NTM: variants seen among roughly 807,000 people sequenced by gnomAD.
NTM encodes neurotrimin.
A neutral mutation model predicts 42.1 loss-of-function variants in NTM; 13 were observed. The observed-to-expected ratio is 0.31, with a 90% CI of 0.20 to 0.49. NTM has a LOEUF of 0.49. NTM is among the 20% of genes least tolerant of loss of function. The pLI, the probability that NTM is intolerant of heterozygous loss-of-function variation, is 0.99. For synonymous variants in NTM, 187 were observed against 179.2 expected, an observed-to-expected ratio of 1.04 and a Z score of -0.35; for missense variants, 373 against 452.8, an observed-to-expected ratio of 0.82 and a Z score of 1.60.
At chr11:131,523,272 A>G (rs1402979786) in intron 1 of NTM, among the ~76,000 whole-genome samples, 1 of 152,242 alleles carries the variant, frequency 6.6e-6, no homozygotes. Context: ...AGTTTGTAAT[A>G]CTAGTTGTCA....
chr11:131,462,593 T>G (rs1304073664), intron 1 of NTM, among the ~76,000 whole-genome samples: 2 of 152,260 alleles, frequency 1.3e-5, no homozygotes, highest in Admixed American at 6.5e-5. Context: ...TTGTCCTGAG[T>G]TCCCTCTTCC....
At chr11:132,174,817 T>C (rs1211623289) in intron 3 of NTM, among the ~76,000 whole-genome samples, 1 of 152,186 alleles carries the variant, frequency 6.6e-6, no homozygotes, top group Non-Finnish European at 1.5e-5. Flanking sequence ...TCATTACTTT[T>C]TGAAATGCTT....
At chr11:131,773,144 A>T (rs181258466) in intron 1 of NTM, among the ~76,000 whole-genome samples, 1 of 152,336 alleles carries the variant, frequency 6.6e-6, no homozygotes, top group Admixed American at 6.5e-5. Flanking sequence ...AGGTGCCAGC[A>T]GGTCAGTGTC....
intron 1 of NTM, among the ~76,000 whole-genome samples, chr11:131,624,547 T>C (rs1327277192): frequency 6.6e-6 from 1 of 152,144 alleles, no homozygotes; most frequent in African/African-American, 2.4e-5. Flanking sequence ...TTCTGAGCCA[T>C]TGGAGAGCTC....
In NTM at chr11:132,333,757, C is replaced by T. The variant is rs58459056; in HGVS notation, c.968-1289C>T. On this transcript the variant is annotated intron_variant, in intron 8 of 8. Transcript: ENST00000683400. ...ATGAGGTTGATGACCTATTGCATTT[C>T]AATCTCATGGCTACCTATTTAGCCA... Among the ~76,000 whole-genome samples the T allele has an allele frequency of 6.2e-3, 951 of 152,246 alleles. 8 individuals carry two copies. Among genetic ancestry groups the T allele is most frequent in the African/African-American group, 0.022 (914 of 41,494 alleles).
rs2135331323 is a variant in NTM, at chr11:132,003,760, C to A, written c.167+92112C>A. Among the ~76,000 whole-genome samples, 1 of 152,318 alleles carries A rather than the reference C, an allele frequency of 6.6e-6. No individual in the cohort carries two copies. Among genetic ancestry groups the A allele is most frequent in the South Asian group, 2.1e-4 (1 of 4,828 alleles). On this transcript the variant is annotated intron_variant, in intron 2 of 8. Transcript: ENST00000683400. The surrounding 1 kb of genome is among the most constrained non-coding windows in gnomAD (Gnocchi z 6.0). ...TCCTTAATTGCCTCCTTGGAATCTA[C>A]ACAGAGAAATCCCTGAGCTTTACTT...
chr11:131,521,169 G>A (rs996446393), intron 1 of NTM, among the ~76,000 whole-genome samples: 2 of 151,396 alleles, frequency 1.3e-5, no homozygotes, highest in Non-Finnish European at 2.9e-5. Flanking sequence ...CTAAAAATAA[G>A]CCGGGCATGG....
intron 1 of NTM, among the ~76,000 whole-genome samples, chr11:131,459,396 G>A (rs1418403419): frequency 3.3e-5 from 5 of 152,142 alleles, no homozygotes; most frequent in African/African-American, 1.2e-4. Context: ...TCATCTATAG[G>A]ATTGATGAGA....
intron 2 of NTM, among the ~76,000 whole-genome samples, chr11:131,917,193 G>C (rs1450913542): frequency 6.6e-6 from 1 of 152,242 alleles, no homozygotes; most frequent in Non-Finnish European, 1.5e-5. Flanking sequence ...GCGGATAGAA[G>C]GTGTTCAATA....
chr11:132,075,246 G>C (rs2058210791), intron 2 of NTM, among the ~76,000 whole-genome samples: 2 of 152,156 alleles, frequency 1.3e-5, no homozygotes, highest in Non-Finnish European at 1.5e-5. Flanking sequence ...GAAGTCTCCT[G>C]TACAACATTG....
chr11:132,220,724 G>C (rs2084973148), intron 4 of NTM, among the ~76,000 whole-genome samples: 1 of 152,180 alleles, frequency 6.6e-6, no homozygotes. Flanking sequence ...AGAGTCTTAA[G>C]CTATTTATGC....
At chr11:132,319,491 G>T (rs2095510831) in intron 7 of NTM, among the ~76,000 whole-genome samples, 1 of 152,176 alleles carries the variant, frequency 6.6e-6, no homozygotes, top group Admixed American at 6.5e-5. Flanking sequence ...TGGCTTGGAG[G>T]GTCCTACACC....
chr11:132,077,775 T>G (rs1358843982), intron 2 of NTM, among the ~76,000 whole-genome samples: 1 of 152,208 alleles, frequency 6.6e-6, no homozygotes, highest in Admixed American at 6.5e-5. Context: ...ACAAACTTTA[T>G]TTTTTGGTAG....
intron 1 of NTM, among the ~76,000 whole-genome samples, chr11:131,774,568 T>C (rs1012756714): frequency 1.3e-5 from 2 of 152,080 alleles, no homozygotes; most frequent in Non-Finnish European, 2.9e-5. Flanking sequence ...GCGGAATACA[T>C]GAGGAGTGTA....
intron 2 of NTM, among the ~76,000 whole-genome samples, chr11:132,022,529 G>C (rs762126914): frequency 6.6e-6 from 1 of 152,150 alleles, no homozygotes. Context: ...CACTCTTTGC[G>C]AGTTCCCTTG....
chr11:131,416,485 G>A (rs896723185), intron 1 of NTM, among the ~76,000 whole-genome samples: 3 of 152,166 alleles, frequency 2.0e-5, no homozygotes, highest in African/African-American at 7.2e-5. Flanking sequence ...ACCATAGCCT[G>A]TCTGCCACCT....
intron 1 of NTM, among the ~76,000 whole-genome samples, chr11:131,857,185 T>C (rs557943458): frequency 3.3e-5 from 5 of 152,214 alleles, no homozygotes; most frequent in Non-Finnish European, 7.3e-5. Context: ...CTGACCCAGA[T>C]AGTGAAGTTC....
intron 2 of NTM, among the ~76,000 whole-genome samples, chr11:132,134,684 A>G (rs1407910319): frequency 8.6e-6 from 1 of 116,588 alleles, no homozygotes; most frequent in African/African-American, 3.1e-5. Flanking sequence ...GTTCCTTTTT[A>G]TGGCCGAGTA....
At chr11:131,787,135 C>T (rs1002324548) in intron 1 of NTM, among the ~76,000 whole-genome samples, 3 of 151,928 alleles carry the variant, frequency 2.0e-5, no homozygotes, top group Non-Finnish European at 4.4e-5. Flanking sequence ...TAAAATAGTT[C>T]TCAACCCATT....
Sources: gnomAD v4.1 joint callset for allele counts (sites outside exome capture counted in the v4.1 genomes callset) on GRCh38, gnomAD v4.1.1 for gene constraint, Gnocchi (gnomAD v3.1) non-coding constraint, MANE v1.5 for transcripts, NCBI Gene and HGNC (gene_info 2026-07-23, HGNC 2026-07-21) for gene names.